Variants in PRR33 observed in about 807,000 individuals in gnomAD.
The protein encoded by PRR33 is proline-rich protein 33.
PRR33 carries 1 observed loss-of-function variant against 0.5 expected under a neutral mutation model. The observed-to-expected ratio is 2.18, with a 90% CI of 0.77 to 10.34. The LOEUF (loss-of-function observed/expected upper bound fraction) is 10.34. PRR33 is among the 30% of genes most tolerant of loss of function. The probability of loss-of-function intolerance (pLI) is 0.13; values close to 1 mark genes in which losing one functional copy is unlikely to be tolerated. For missense variants in PRR33, 552 were observed against 251.8 expected, an observed-to-expected ratio of 2.19 and a Z score of -8.07; for synonymous variants, 226 against 110.0, an observed-to-expected ratio of 2.06 and a Z score of -6.60.
the PRR33 span, among the ~76,000 whole-genome samples, chr11:1,917,472 T>A: frequency 6.6e-6 from 1 of 152,160 alleles, no homozygotes. Flanking sequence ...CAAGGCCCCG[T>A]GGTCCGTCCT....
chr11:1,905,024 G>C, the PRR33 span, among the ~76,000 whole-genome samples: 2 of 151,278 alleles, frequency 1.3e-5, no homozygotes, highest in Non-Finnish European at 2.9e-5. Context: ...GCTTCTACTT[G>C]ATGTTTACTA....
At chr11:1,914,041 A>G in the PRR33 span, among the ~76,000 whole-genome samples, 1 of 152,214 alleles carries the variant, frequency 6.6e-6, no homozygotes. Context: ...GCACAGCAAG[A>G]TTGGTGACAT....
upstream of PRR33, among the ~76,000 whole-genome samples, chr11:1,892,792 A>C (rs1015222720): frequency 5.7e-5 from 7 of 123,126 alleles, no homozygotes; most frequent in South Asian, 1.8e-3. Context: ...GGGTGGATGG[A>C]TGGATGGGTA....
At chr11:1,889,482 A>G (rs111328505) in exon 1 of PRR33, 6,979 of 617,620 alleles carry the variant, frequency 0.011, 344 homozygotes, top group African/African-American at 0.11. Context: ...GGGGGTGGGC[A>G]CCTCTGGCTC....
At chr11:1,901,943 A>G in the PRR33 span, among the ~76,000 whole-genome samples, 1 of 152,194 alleles carries the variant, frequency 6.6e-6, no homozygotes, top group South Asian at 2.1e-4. Flanking sequence ...TGCAAAAACC[A>G]CAATTATGGC....
the PRR33 span, among the ~76,000 whole-genome samples, chr11:1,904,072 A>T: frequency 1.3e-5 from 2 of 152,128 alleles, no homozygotes; most frequent in Non-Finnish European, 2.9e-5. Context: ...CAAAACACAC[A>T]TCCATGGAGC....
the PRR33 span, among the ~76,000 whole-genome samples, chr11:1,910,250 T>C: frequency 3.3e-5 from 5 of 152,122 alleles, no homozygotes; most frequent in African/African-American, 1.2e-4. Flanking sequence ...CTGGGCGCCA[T>C]TGTGGTGTTT....
At chr11:1,915,139 CTGTG>C in the PRR33 span, among the ~76,000 whole-genome samples, 126 of 128,592 alleles carry the variant, frequency 9.8e-4, no homozygotes, top group African/African-American at 2.4e-3. Context: ...GATGATGTTT[CTGTG>C]TGTGTGTGTG....
the PRR33 span, among the ~76,000 whole-genome samples, chr11:1,901,268 C>T: frequency 4.0e-5 from 6 of 151,658 alleles, no homozygotes; most frequent in Non-Finnish European, 2.9e-5. Context: ...GCCAAGTTTA[C>T]GCCATTGCAC....
chr11:1,909,467 C>T, the PRR33 span, among the ~76,000 whole-genome samples: 137 of 152,068 alleles, frequency 9.0e-4, no homozygotes, highest in African/African-American at 3.3e-3. Flanking sequence ...AAAAATTAGC[C>T]GGGCGTGGTG....
At chr11:1,909,207 C>A in the PRR33 span, among the ~76,000 whole-genome samples, 1 of 150,842 alleles carries the variant, frequency 6.6e-6, no homozygotes, top group Middle Eastern at 3.4e-3. Context: ...ACAAAAAATA[C>A]AAAAGTTGGG....
the PRR33 span, among the ~76,000 whole-genome samples, chr11:1,901,084 A>AGCAGATCACAAGGTCAGGAGTT: frequency 1.3e-5 from 2 of 152,162 alleles, no homozygotes; most frequent in African/African-American, 4.8e-5. Flanking sequence ...GGCCGAGGTG[A>AGCAGATCACAAGGTCAGGAGTT]GCAGATCACA....
the PRR33 span, among the ~76,000 whole-genome samples, chr11:1,916,536 G>A: frequency 1.6e-4 from 25 of 152,044 alleles, no homozygotes; most frequent in African/African-American, 4.8e-4. Flanking sequence ...CGCTTGGGAC[G>A]GTGACCAAGG....
At chr11:1,898,727 C>T in the PRR33 span, among the ~76,000 whole-genome samples, 3 of 151,786 alleles carry the variant, frequency 2.0e-5, no homozygotes, top group Admixed American at 1.3e-4. Context: ...TCACCCAGAC[C>T]GGGCACAGGG....
upstream of PRR33, among the ~76,000 whole-genome samples, chr11:1,896,563 G>C (rs1316010589): frequency 1.3e-5 from 2 of 152,162 alleles, no homozygotes; most frequent in African/African-American, 4.8e-5. Flanking sequence ...ATTCCATCGG[G>C]TTAGATGGTC....
chr11:1,896,832 T>A (rs1849130222), upstream of PRR33, among the ~76,000 whole-genome samples: 1 of 152,260 alleles, frequency 6.6e-6, no homozygotes, highest in Non-Finnish European at 1.5e-5. Context: ...TGATGTTTTT[T>A]AAACAAATCA....
the PRR33 span, among the ~76,000 whole-genome samples, chr11:1,916,553 G>A: frequency 3.3e-5 from 5 of 151,814 alleles, no homozygotes; most frequent in South Asian, 2.1e-4. Flanking sequence ...AAGGGCAGCC[G>A]AGAGGCAGGC....
upstream of PRR33, among the ~76,000 whole-genome samples, chr11:1,894,951 C>T (rs1333479285): frequency 7.2e-5 from 11 of 152,134 alleles, no homozygotes; most frequent in Admixed American, 6.5e-4. Context: ...CCTTCCTAGA[C>T]GTGGAGGGTG....
At chr11:1,903,693 G>A in the PRR33 span, among the ~76,000 whole-genome samples, 3 of 152,104 alleles carry the variant, frequency 2.0e-5, no homozygotes, top group Non-Finnish European at 4.4e-5. Flanking sequence ...ACGGACATAC[G>A]AGCCAGAAGG....
Sources: gnomAD v4.1 joint callset for allele counts (sites outside exome capture counted in the v4.1 genomes callset) on GRCh38, gnomAD v4.1.1 for gene constraint, MANE v1.5 for transcripts, NCBI Gene and HGNC (gene_info 2026-07-23, HGNC 2026-07-21) for gene names.